Variants in HIVEP1 observed in about 807,000 individuals in gnomAD.
HIVEP1 encodes the protein HIVEP zinc finger 1.
A neutral mutation model predicts 180.0 loss-of-function variants in HIVEP1; 36 were observed. That is an observed-to-expected ratio of 0.20 (90% CI 0.15 to 0.26). The LOEUF is 0.26. HIVEP1 is among the 10% of genes least tolerant of loss of function. The pLI, the probability that HIVEP1 is intolerant of heterozygous loss-of-function variation, is 1.00. For missense variants in HIVEP1, 3,143 were observed against 3,268.7 expected, an observed-to-expected ratio of 0.96 and a Z score of 0.94; for synonymous variants, 1,239 against 1,239.0, an observed-to-expected ratio of 1.00 and a Z score of 0.00.
intron 2 of HIVEP1, among the ~76,000 whole-genome samples, chr6:12,027,591 C>A (rs1347414325): frequency 6.6e-6 from 1 of 152,196 alleles, no homozygotes; most frequent in Non-Finnish European, 1.5e-5. Context: ...CTACTGCAGG[C>A]AATCCATTTC....
chr6:12,109,930 C>G (rs1248554854), intron 3 of HIVEP1, among the ~76,000 whole-genome samples: 2 of 152,238 alleles, frequency 1.3e-5, no homozygotes, highest in African/African-American at 4.8e-5. Context: ...GTAAAAATTA[C>G]TCCTTGATCC....
intron 3 of HIVEP1, among the ~76,000 whole-genome samples, chr6:12,113,529 G>C (rs1775035457): frequency 6.6e-6 from 1 of 152,074 alleles, no homozygotes; most frequent in Non-Finnish European, 1.5e-5. Flanking sequence ...GCCATGTTAA[G>C]ATGCTTGAAT....
At chr6:12,198,504 C>T in the HIVEP1 span, among the ~76,000 whole-genome samples, 1 of 152,100 alleles carries the variant, frequency 6.6e-6, no homozygotes, top group Non-Finnish European at 1.5e-5. Context: ...CTGAGTGCCT[C>T]TAGCAGGCTG....
chr6:12,151,674 T>C (rs1242947063), intron 7 of HIVEP1, among the ~76,000 whole-genome samples: 1 of 152,234 alleles, frequency 6.6e-6, no homozygotes, highest in Non-Finnish European at 1.5e-5. Context: ...TGGCAAACTT[T>C]TTAATGTCAA....
At chr6:12,046,563 G>T (rs1469606477) in intron 2 of HIVEP1, among the ~76,000 whole-genome samples, 2 of 152,022 alleles carry the variant, frequency 1.3e-5, no homozygotes, top group African/African-American at 2.4e-5. Flanking sequence ...GGTGGATCAC[G>T]AGGTCAAGAG....
chr6:12,127,893 A>T (rs1333362133), intron 4 of HIVEP1, among the ~76,000 whole-genome samples: 1 of 152,240 alleles, frequency 6.6e-6, no homozygotes, highest in Non-Finnish European at 1.5e-5. Context: ...AGTTGAGTCT[A>T]TGAGCAAGTG....
At chr6:12,026,676 G>A (rs577154575) in intron 2 of HIVEP1, among the ~76,000 whole-genome samples, 2 of 152,166 alleles carry the variant, frequency 1.3e-5, no homozygotes, top group Non-Finnish European at 2.9e-5. Flanking sequence ...TCGGTGGCTA[G>A]GCAGTATCTT....
chr6:12,157,033 G>A (rs1760101548), intron 7 of HIVEP1, among the ~76,000 whole-genome samples: 2 of 151,982 alleles, frequency 1.3e-5, no homozygotes. Context: ...TTATGTTCAT[G>A]GGATGACCTA....
At chr6:12,104,521 C>G in intron 3 of HIVEP1, among the ~76,000 whole-genome samples, 1 of 144,364 alleles carries the variant, frequency 6.9e-6, no homozygotes. Context: ...TGGGCTCAAG[C>G]AATCCTCTTG....
At chr6:12,086,897 T>C (rs184985114) in intron 2 of HIVEP1, among the ~76,000 whole-genome samples, 41 of 152,272 alleles carry the variant, frequency 2.7e-4, no homozygotes, top group Non-Finnish European at 2.6e-4. Flanking sequence ...AGTAAATGAC[T>C]ACTTTCTTTG....
rs1242205387 is a variant in HIVEP1, at chr6:12,119,838, T to A, written c.95-52T>A. Reference sequence around the variant, plus strand: ...ATCTTAATTTTCAAAAAATTATAGTTGGTGTATGTACAATGTTACCAATTG... The same window carrying A: ...ATCTTAATTTTCAAAAAATTATAGTAGGTGTATGTACAATGTTACCAATTG... On this transcript the variant is annotated intron_variant, in intron 3 of 8. Coordinates refer to ENST00000379388, the MANE Select transcript of HIVEP1 (RefSeq NM_002114.4). 1.2e-5 allele frequency: 14 copies of A among 1,120,074 alleles called. No homozygotes were observed. The East Asian group carries it at 3.5e-4, about 28-fold the overall frequency. The allele number at this position is 1,120,074 out of a possible 1,614,324, so 69.4% of individuals were successfully genotyped here. A position where few individuals can be genotyped will look rare whatever the true frequency, so the allele number is the denominator to read the frequency against.
At chr6:12,109,659 A>G (rs1047361480) in intron 3 of HIVEP1, among the ~76,000 whole-genome samples, 2 of 152,190 alleles carry the variant, frequency 1.3e-5, no homozygotes, top group Non-Finnish European at 2.9e-5. Context: ...TGTTTCCACC[A>G]CATCTGCGGG....
chr6:12,108,581 G>C (rs1400136686), intron 3 of HIVEP1, among the ~76,000 whole-genome samples: 1 of 152,254 alleles, frequency 6.6e-6, no homozygotes, highest in Non-Finnish European at 1.5e-5. Context: ...CAGCGCTGGT[G>C]GGCTGGCACT....
chr6:12,136,195 C>G (rs908906202), intron 7 of HIVEP1, among the ~76,000 whole-genome samples: 6 of 152,158 alleles, frequency 3.9e-5, no homozygotes, highest in Non-Finnish European at 1.5e-5. Context: ...TGACCTTGAT[C>G]AAAATCCTTT....
the HIVEP1 span, among the ~76,000 whole-genome samples, chr6:12,186,796 C>A: frequency 2.6e-5 from 4 of 151,782 alleles, no homozygotes; most frequent in Non-Finnish European, 5.9e-5. Flanking sequence ...AATAAACAGA[C>A]CTGAGATGAC....
At chr6:12,133,503 T>C (rs1304245448) in intron 6 of HIVEP1, among the ~76,000 whole-genome samples, 1 of 152,242 alleles carries the variant, frequency 6.6e-6, no homozygotes, top group Non-Finnish European at 1.5e-5. Context: ...CAATATTTTG[T>C]ATATTGAAAT....
Position 12,122,871 on chromosome 6 carries a change from C to T in HIVEP1, c.3076C>T (p.Pro1026Ser). 1 of 1,613,944 alleles carries T rather than the reference C, an allele frequency of 6.2e-7. No homozygotes were observed. The highest frequency in any genetic ancestry group is 8.5e-7 in the Non-Finnish European group (1 of 1,179,964). Residue 1026 changes from proline to serine, a missense_variant, in exon 4 of 9, where the codon CCC (proline) becomes TCC (serine). Pro to Ser is a moderately conservative substitution (Grantham distance 74). Around this residue, in one of 12 missense-constraint regions of HIVEP1, gnomAD observed 1,357 missense variants for 1,260.5 expected, o/e 1.08. Transcript: ENST00000379388. ...GTCCTCCGGCATCTGGGAACAGACG[C>T]CCCAGATAAGAAAAAGGAGGAAAAT... ...AGSSGIWEQT[P>S]QIRKRRKMKS... is the part of the protein sequence containing the mutation.
At position 12,119,036 on chromosome 6, in the gene HIVEP1, A is replaced by G. The variant is rs1435624291; in HGVS notation, c.95-854A>G. 2.6e-5 allele frequency among the ~76,000 whole-genome samples: 4 copies of G among 152,344 alleles called. No homozygotes were observed. In the South Asian group the frequency reaches 6.2e-4, roughly 24 times the overall value. On this transcript the variant is annotated intron_variant, in intron 3 of 8. Transcript: ENST00000379388. ...GTAGACAGAGTCCTCAGGTATTGCT[A>G]CCAAGCCAATCTAGGTCCATTTGTC...
At chr6:12,086,915 GGA>G (rs1227480647) in intron 2 of HIVEP1, among the ~76,000 whole-genome samples, 5 of 151,926 alleles carry the variant, frequency 3.3e-5, no homozygotes, top group South Asian at 2.1e-4. Flanking sequence ...TTGTAATTTT[GGA>G]GAGTGTCTTT....
Sources: allele counts gnomAD v4.1 joint callset (sites outside exome capture counted in the v4.1 genomes callset), GRCh38; gene constraint gnomAD v4.1.1; regional missense constraint gnomAD v4.1.1; transcripts MANE v1.5; gene names NCBI Gene and HGNC (gene_info 2026-07-23, HGNC 2026-07-21).